The following ZSCAN32 variants were observed in gnomAD, a reference collection of about 807,000 sequenced individuals.
The protein encoded by ZSCAN32 is zinc finger and SCAN domain-containing protein 32.
Under a neutral mutation model 47.4 loss-of-function variants are expected in ZSCAN32, and 52 were observed. The ratio of observed to expected loss-of-function variants is 1.10; its 90% CI spans 0.88 to 1.38. The LOEUF (loss-of-function observed/expected upper bound fraction) is 1.38, where lower values mean the gene tolerates loss of function less well. ZSCAN32 is among the 40% of genes most tolerant of loss of function. The pLI is 0.00. For synonymous variants in ZSCAN32, 346 were observed against 305.7 expected (o/e 1.13, Z -1.38); for missense variants, 959 against 846.0 (o/e 1.13, Z -1.66).
chr16:3,383,965 G>A (rs910012830), intron 6 of ZSCAN32: 44 of 495,010 alleles, frequency 8.9e-5, no homozygotes, highest in African/African-American at 8.3e-4. Flanking sequence ...ATGACAAACT[G>A]AGGCAAGACA....
At chr16:3,385,195 G>A (rs991817042) in intron 5 of ZSCAN32, among the ~76,000 whole-genome samples, 4 of 152,048 alleles carry the variant, frequency 2.6e-5, no homozygotes, top group Non-Finnish European at 2.9e-5. Flanking sequence ...GTGTGGTGCC[G>A]TGTGCCTGTA....
At chr16:3,391,843 A>C (rs915855970) in intron 3 of ZSCAN32, among the ~76,000 whole-genome samples, 2 of 152,122 alleles carry the variant, frequency 1.3e-5, no homozygotes, top group African/African-American at 4.8e-5. Flanking sequence ...AGGCAGGAGG[A>C]CTGCTTGAAC....
At chr16:3,394,613 G>C (rs140341020) in intron 2 of ZSCAN32, among the ~76,000 whole-genome samples, 2 of 152,164 alleles carry the variant, frequency 1.3e-5, no homozygotes, top group East Asian at 3.9e-4. Flanking sequence ...TTAAAATCTA[G>C]AGTCCTGTCC....
chr16:3,383,131 G>T lies in ZSCAN32; in HGVS notation c.1815C>A (p.Tyr605Ter), dbSNP rs759812156. The T allele has an allele frequency of 1.7e-5, 28 of 1,614,072 alleles. No homozygotes were observed. The Admixed American group carries it at 4.3e-4, about 25-fold the overall frequency. ...HQRTHTGEKP[Y>*]QCIVCGKRFN... Reference sequence around the variant, plus strand: ...ATCTCTTTCCACAGACAATGCACTGGTAAGGCTTTTCCCCGGTATGGGTCC... The same window carrying T: ...ATCTCTTTCCACAGACAATGCACTGTTAAGGCTTTTCCCCGGTATGGGTCC... The change falls in exon 7 of 7, where the codon TAC (tyrosine) becomes TAA (stop). Residue 605 changes from tyrosine (Y) to a stop codon, truncating the protein, a stop_gained. Coordinates refer to ENST00000396852, the MANE Select transcript of ZSCAN32 (RefSeq NM_001284527.2). LOFTEE classifies it low-confidence loss of function (END_TRUNC).
In ZSCAN32 at chr16:3,397,649, T is replaced by C. The variant is rs928333351; in HGVS notation, c.-92A>G. ...ACATCACTGGGAAGCCATGTTCTCC[T>C]GCAAGGAATGTCTTTCTGTAATCCG... On this transcript the variant is annotated 5_prime_UTR_variant, in exon 2 of 7. Coordinates refer to ENST00000396852, the MANE Select transcript of ZSCAN32 (RefSeq NM_001284527.2). 4.9e-5 allele frequency: 69 copies of C among 1,415,138 alleles called. No individual in the cohort carries two copies. Among genetic ancestry groups the C allele is most frequent in the Non-Finnish European group, 5.7e-5 (61 of 1,074,736 alleles). The allele number at this position is 1,415,138 out of a possible 1,614,324, so 87.7% of individuals were successfully genotyped here. A position where few individuals can be genotyped will look rare whatever the true frequency, so the allele number is the denominator to read the frequency against.
chr16:3,397,243 G>A lies in ZSCAN32; in HGVS notation c.315C>T (p.Gly105=), dbSNP rs777196607. 39 of 1,561,188 alleles carry A rather than the reference G, an allele frequency of 2.5e-5. No homozygotes were observed. The highest frequency in any genetic ancestry group is 4.1e-5 in the African/African-American group (3 of 73,340). ...TWVREQHPEN[G]EEAVALVEDV... ...CCTCAACCAGAGCCACAGCTTCCTC[G>A]CCGTTTTCTGGATGCTGCTCCCTCA... The change falls in exon 2 of 7, where the codon GGC becomes GGT. Residue 105 remains glycine, a synonymous_variant. Transcript: ENST00000396852.
chr16:3,395,350 T>G (rs2033267629), intron 2 of ZSCAN32, among the ~76,000 whole-genome samples: 1 of 152,184 alleles, frequency 6.6e-6, no homozygotes. Context: ...CAGTTGTAGT[T>G]CCCATAATCC....
chr16:3,400,643 G>A (rs992202575), intron 1 of ZSCAN32, among the ~76,000 whole-genome samples: 8 of 152,226 alleles, frequency 5.3e-5, no homozygotes, highest in Non-Finnish European at 1.2e-4. Flanking sequence ...CTCGGTGCCA[G>A]GGCTAGGCAC....
intron 5 of ZSCAN32, among the ~76,000 whole-genome samples, chr16:3,388,472 C>T (rs1177536531): frequency 2.0e-5 from 3 of 152,232 alleles, no homozygotes; most frequent in East Asian, 3.8e-4. Flanking sequence ...TTGCGCTTAT[C>T]GCCCTCTAAC....
Position 3,383,315 on chromosome 16 carries a change from G to C in ZSCAN32, c.1631C>G (p.Thr544Arg), listed in dbSNP as rs759175542. The C allele has an allele frequency of 6.2e-7, 1 of 1,614,220 alleles. No individual in the cohort carries two copies. ...SYLVRHQRIHTGEKPHKCSEC... is the reference protein window; with the variant it reads ...SYLVRHQRIHRGEKPHKCSEC... ...ACTGCACTTGTGAGGCTTCTCGCCT[G>C]TGTGGATTCTTTGATGCCGAACAAG... is the stretch of plus-strand genomic sequence containing the variant. The change falls in exon 7 of 7, where the codon ACA (threonine) becomes AGA (arginine). Residue 544 changes from threonine to arginine, a missense_variant. Thr to Arg is a moderately conservative substitution (Grantham distance 71). Transcript: ENST00000396852.
rs1470098907 is a variant in ZSCAN32 at position 3,383,534 on chromosome 16, T to G, written c.1412A>C (p.Glu471Ala). The change falls in exon 7 of 7, where the codon GAG becomes GCG. Residue 471 changes from glutamate (E) to alanine (A), a missense_variant. Transcript: ENST00000396852. Reference sequence around the variant, plus strand: ...CTGGGATGGGGTTTTCTCCTCACTCTCCCCTGGAGAATTTCTACATTGCCT... The same window carrying G: ...CTGGGATGGGGTTTTCTCCTCACTCGCCCCTGGAGAATTTCTACATTGCCT... ...SRRQCRNSPG[E>A]SEEKTPSQEK... 6.2e-7 allele frequency: 1 copy of G among 1,614,100 alleles called. No homozygotes were observed. Among genetic ancestry groups the G allele is most frequent in the South Asian group, 1.1e-5 (1 of 91,072 alleles).
chr16:3,387,683 GTCT>G (rs2032181222), intron 5 of ZSCAN32, among the ~76,000 whole-genome samples: 1 of 152,202 alleles, frequency 6.6e-6, no homozygotes, highest in Non-Finnish European at 1.5e-5. Flanking sequence ...AGCCTATCTG[GTCT>G]TCTTGCTTCC....
In ZSCAN32 at chr16:3,390,403, A is replaced by G. The variant is rs2150887352; in HGVS notation, c.627+20T>C. 1 of 1,540,118 alleles carries G rather than the reference A, an allele frequency of 6.5e-7. No homozygotes were observed. The highest frequency in any genetic ancestry group is 1.2e-5 in the South Asian group (1 of 83,404). On this transcript the variant is annotated intron_variant, in intron 4 of 6. Coordinates refer to ENST00000396852, the MANE Select transcript of ZSCAN32 (RefSeq NM_001284527.2). Reference sequence around the variant, plus strand: ...TGAGAGTGGGTACTCAAGAGACAGAAGGCATCAACCACAGCTCACCTGGGA... The same window carrying G: ...TGAGAGTGGGTACTCAAGAGACAGAGGGCATCAACCACAGCTCACCTGGGA...
chr16:3,395,734 C>T (rs552044914), intron 2 of ZSCAN32, among the ~76,000 whole-genome samples: 3 of 152,308 alleles, frequency 2.0e-5, no homozygotes, highest in African/African-American at 7.2e-5. Flanking sequence ...CACAATGGTT[C>T]ACACCTGTAT....
rs1236587807 is a variant in ZSCAN32, at chr16:3,382,098, A to C, written c.*754T>G. On this transcript the variant is annotated 3_prime_UTR_variant, in exon 7 of 7. Transcript: ENST00000396852. Reference sequence around the variant, plus strand: ...AGGCCAAGGAAGTGGAGGGAGAAACAACTTTATTTTCATCAGAAATTAGTA... The same window carrying C: ...AGGCCAAGGAAGTGGAGGGAGAAACCACTTTATTTTCATCAGAAATTAGTA... 6.6e-6 allele frequency: 1 copy of C among 152,248 alleles called. No homozygotes were observed. Among genetic ancestry groups the C allele is most frequent in the Non-Finnish European group, 1.5e-5 (1 of 68,044 alleles). The allele number at this position is 152,248 out of a possible 1,614,324, so 9.4% of individuals were successfully genotyped here. A position where few individuals can be genotyped will look rare whatever the true frequency, so the allele number is the denominator to read the frequency against.
Position 3,383,677 on chromosome 16 carries a change from A to AT in ZSCAN32, c.1268dup (p.Asn423LysfsTer6). The AT allele has an allele frequency of 1.3e-6, 2 of 1,591,228 alleles. No homozygotes were observed. The highest frequency in any genetic ancestry group is 8.5e-7 in the Non-Finnish European group (1 of 1,173,834). ...CTTCCTCTGAATCATCCCATTTTAGATTTTCTTTTTTAATCTCGTTCTTGA... is the reference window on the plus strand; with the variant it reads ...CTTCCTCTGAATCATCCCATTTTAGATTTTTCTTTTTTAATCTCGTTCTTGA... On this transcript the variant is annotated frameshift_variant, in exon 7 of 7. Transcript: ENST00000396852. LOFTEE classifies it low-confidence loss of function (END_TRUNC).
chr16:3,383,182 C>A lies in ZSCAN32; in HGVS notation c.1764G>T (p.Gln588His). ...TCTGGTGGACAATGAGGCTGGAACT[C>A]TGGTTGAAGCTTTTCCCACATTGCC... ...QCGQCGKSFNQSSSLIVHQRT... is the reference protein window; with the variant it reads ...QCGQCGKSFNHSSSLIVHQRT... Residue 588 changes from glutamine to histidine, a missense_variant, in exon 7 of 7, where the codon CAG (glutamine) becomes CAT (histidine). Transcript: ENST00000396852. 6.2e-7 allele frequency: 1 copy of A among 1,614,140 alleles called. No individual in the cohort carries two copies. Among genetic ancestry groups the A allele is most frequent in the Non-Finnish European group, 8.5e-7 (1 of 1,180,030 alleles).
At chr16:3,384,241 C>A in intron 6 of ZSCAN32, 2 of 627,430 alleles carry the variant, frequency 3.2e-6, no homozygotes, top group South Asian at 4.1e-5. Context: ...GAAAAGATGA[C>A]ATGAACTTAG....
At position 3,397,701 on chromosome 16, in the gene ZSCAN32, T is replaced by A; in HGVS notation, c.-144A>T. 2 of 1,128,636 alleles carry A rather than the reference T, an allele frequency of 1.8e-6. No homozygotes were observed. The highest frequency in any genetic ancestry group is 1.6e-5 in the African/African-American group (1 of 63,948). 69.9% of individuals were successfully genotyped at this position (1,128,636 alleles called of 1,614,324 possible). On this transcript the variant is annotated 5_prime_UTR_variant, in exon 2 of 7. Coordinates refer to ENST00000396852, the MANE Select transcript of ZSCAN32 (RefSeq NM_001284527.2). ...GGGACATGAGAGTGTCAGACATGTG[T>A]AGAGACTCACAGCGGAAAAAAAGGG...
Sources: allele counts gnomAD v4.1 joint callset (sites outside exome capture counted in the v4.1 genomes callset), GRCh38; gene constraint gnomAD v4.1.1; transcripts MANE v1.5; gene names NCBI Gene and HGNC (gene_info 2026-07-23, HGNC 2026-07-21).